Variants in IMMP2L observed in about 807,000 individuals in gnomAD.
IMMP2L encodes inner mitochondrial membrane peptidase subunit 2, also known as mitochondrial inner membrane protease subunit 2.
Under a neutral mutation model 19.3 loss-of-function variants are expected in IMMP2L, and 18 were observed. The ratio of observed to expected loss-of-function variants is 0.93; its 90% CI spans 0.64 to 1.38. The LOEUF is 1.38. Ranked by LOEUF, IMMP2L falls within the 40% of genes most tolerant of loss-of-function variation. The pLI, the probability that IMMP2L is intolerant of heterozygous loss-of-function variation, is 0.00. For missense variants in IMMP2L, 233 were observed against 218.2 expected, an observed-to-expected ratio of 1.07 and a Z score of -0.43; for synonymous variants, 76 against 73.0, an observed-to-expected ratio of 1.04 and a Z score of -0.21.
intron 3 of IMMP2L, among the ~76,000 whole-genome samples, chr7:111,016,230 TA>T (rs1263731849): frequency 3.3e-5 from 5 of 151,240 alleles, no homozygotes; most frequent in Non-Finnish European, 5.9e-5. Flanking sequence ...GTGTTTCATC[TA>T]GGTTAAACTC....
intron 3 of IMMP2L, among the ~76,000 whole-genome samples, chr7:111,288,229 A>G (rs1820709902): frequency 6.6e-6 from 1 of 152,200 alleles, no homozygotes; most frequent in South Asian, 2.1e-4. Context: ...GGGAAGAGAT[A>G]TTCTATGAAA....
chr7:111,069,795 A>C (rs550874964), intron 3 of IMMP2L, among the ~76,000 whole-genome samples: 1 of 152,216 alleles, frequency 6.6e-6, no homozygotes, highest in East Asian at 1.9e-4. Context: ...CAAATCATAC[A>C]AAAAAATTGA....
At chr7:111,383,642 A>C (rs1831418182) in intron 3 of IMMP2L, among the ~76,000 whole-genome samples, 1 of 152,024 alleles carries the variant, frequency 6.6e-6, no homozygotes, top group African/African-American at 2.4e-5. Flanking sequence ...ATTTTTATAA[A>C]TAATGCATCA....
chr7:111,239,262 T>C (rs1423284509), intron 3 of IMMP2L, among the ~76,000 whole-genome samples: 1 of 151,888 alleles, frequency 6.6e-6, no homozygotes, highest in Admixed American at 6.6e-5. Context: ...TCTCTTATTT[T>C]CCTTACACAT....
Position 111,521,353 on chromosome 7 carries a change from C to G in IMMP2L, c.95G>C (p.Arg32Pro), listed in dbSNP as rs761147215. 2.4e-5 allele frequency: 39 copies of G among 1,613,060 alleles called. No homozygotes were observed. The highest frequency in any genetic ancestry group is 6.6e-5 in the South Asian group (6 of 91,024). ...TTCTACTCTTGCCACACAGGCGACC[C>G]GATCCAAGAAAGTCACTGCCACAGG... Reference protein sequence around the residue: ...AVPVAVTFLDRVACVARVEGA... With the variant: ...AVPVAVTFLDPVACVARVEGA... Residue 32 changes from arginine (R) to proline (P), a missense_variant, in exon 2 of 6, where the codon CGG (arginine) becomes CCG (proline). By Grantham distance (103) the Arg-to-Pro change is moderately radical (BLOSUM62 -2). Transcript: ENST00000405709.
chr7:111,235,350 A>T (rs1212958088), intron 3 of IMMP2L, among the ~76,000 whole-genome samples: 2 of 151,986 alleles, frequency 1.3e-5, no homozygotes, highest in Non-Finnish European at 2.9e-5. Context: ...GGGCACCTGT[A>T]ATCCCCGCTA....
At chr7:111,394,675 A>C (rs973942727) in intron 3 of IMMP2L, among the ~76,000 whole-genome samples, 5 of 152,156 alleles carry the variant, frequency 3.3e-5, no homozygotes, top group Non-Finnish European at 7.4e-5. Context: ...CATCTCAAAG[A>C]ACTTTAAATA....
intron 4 of IMMP2L, among the ~76,000 whole-genome samples, chr7:110,936,278 G>A (rs190611486): frequency 1.1e-4 from 17 of 152,156 alleles, no homozygotes; most frequent in Non-Finnish European, 2.1e-4. Context: ...CAGAATGGGA[G>A]AAAACTTTTG....
intron 4 of IMMP2L, among the ~76,000 whole-genome samples, chr7:110,944,251 T>C (rs1233783547): frequency 6.6e-6 from 1 of 151,934 alleles, no homozygotes; most frequent in Non-Finnish European, 1.5e-5. Flanking sequence ...TAATCAGATG[T>C]ATGTTACGTC....
At chr7:110,697,750 T>A (rs1584533557) in intron 5 of IMMP2L, among the ~76,000 whole-genome samples, 2 of 152,174 alleles carry the variant, frequency 1.3e-5, no homozygotes, top group African/African-American at 4.8e-5. Flanking sequence ...GCTGTGATCA[T>A]GCCACTGCAC....
At chr7:111,217,187 G>A (rs1299738059) in intron 3 of IMMP2L, among the ~76,000 whole-genome samples, 1 of 149,656 alleles carries the variant, frequency 6.7e-6, no homozygotes, top group Admixed American at 6.6e-5. Context: ...AAATGTTCCT[G>A]GTTAGGAATA....
intron 5 of IMMP2L, among the ~76,000 whole-genome samples, chr7:110,713,068 T>C (rs2130716270): frequency 6.6e-6 from 1 of 152,318 alleles, no homozygotes; most frequent in East Asian, 1.9e-4. Context: ...TTTTAATCCA[T>C]CTTGAGTTGA....
At chr7:110,826,963 G>T (rs1803554923) in intron 5 of IMMP2L, among the ~76,000 whole-genome samples, 1 of 151,992 alleles carries the variant, frequency 6.6e-6, no homozygotes, top group African/African-American at 2.4e-5. Flanking sequence ...TGATGGGGAT[G>T]AAAACAATGA....
chr7:110,743,021 A>C (rs531551728), intron 5 of IMMP2L, among the ~76,000 whole-genome samples: 20 of 152,232 alleles, frequency 1.3e-4, no homozygotes, highest in African/African-American at 4.8e-4. Flanking sequence ...ATATTCTTTA[A>C]TGTTTTCTGT....
At chr7:111,152,681 T>C in intron 3 of IMMP2L, among the ~76,000 whole-genome samples, 1 of 152,108 alleles carries the variant, frequency 6.6e-6, no homozygotes, top group East Asian at 1.9e-4. Context: ...ATCTACTCTA[T>C]CCCCAACTCA....
chr7:111,502,902 T>C (rs1418964301), intron 2 of IMMP2L, among the ~76,000 whole-genome samples: 1 of 148,326 alleles, frequency 6.7e-6, no homozygotes, highest in Non-Finnish European at 1.5e-5. Flanking sequence ...AACATCACAA[T>C]TAAAAGAACT....
chr7:111,395,763 T>C (rs931301995), intron 3 of IMMP2L, among the ~76,000 whole-genome samples: 7 of 152,114 alleles, frequency 4.6e-5, no homozygotes, highest in African/African-American at 1.4e-4. Context: ...ATTAATTCCA[T>C]CTGGACTCTC....
chr7:111,287,561 TAAAC>T (rs1224298227), intron 3 of IMMP2L, among the ~76,000 whole-genome samples: 1 of 148,740 alleles, frequency 6.7e-6, no homozygotes, highest in Non-Finnish European at 1.5e-5. Flanking sequence ...AAAAAAAAAA[TAAAC>T]AAACAAAATA....
chr7:110,973,289 A>G (rs1820346171), intron 3 of IMMP2L, among the ~76,000 whole-genome samples: 1 of 152,144 alleles, frequency 6.6e-6, no homozygotes, highest in South Asian at 2.1e-4. Flanking sequence ...CTGTAAAAAC[A>G]TATAATTTTT....
Sources: gnomAD v4.1 joint callset for allele counts (sites outside exome capture counted in the v4.1 genomes callset) on GRCh38, gnomAD v4.1.1 for gene constraint, MANE v1.5 for transcripts, NCBI Gene and HGNC (gene_info 2026-07-23, HGNC 2026-07-21) for gene names.